EPB41L1: variants seen among roughly 807,000 people sequenced by gnomAD.
EPB41L1 encodes erythrocyte membrane protein band 4.1 like 1.
EPB41L1 carries 29 observed loss-of-function variants against 97.8 expected under a neutral mutation model. The observed-to-expected ratio is 0.30, with a 90% CI of 0.22 to 0.40. The LOEUF is 0.40. EPB41L1 is among the 10% of genes least tolerant of loss of function. The pLI, the probability that EPB41L1 is intolerant of heterozygous loss-of-function variation, is 1.00. For missense variants in EPB41L1, 812 were observed against 1,162.3 expected, an observed-to-expected ratio of 0.70 and a Z score of 4.38; for synonymous variants, 383 against 459.2, an observed-to-expected ratio of 0.83 and a Z score of 2.12.
At chr20:36,114,523 C>T (rs1432798246) in intron 2 of EPB41L1, among the ~76,000 whole-genome samples, 1 of 152,096 alleles carries the variant, frequency 6.6e-6, no homozygotes, top group African/African-American at 2.4e-5. Flanking sequence ...CTGACCTTAT[C>T]TTAGTTAGGG....
At chr20:36,225,192 G>C (rs2064043323) in intron 21 of EPB41L1, among the ~76,000 whole-genome samples, 1 of 152,260 alleles carries the variant, frequency 6.6e-6, no homozygotes, top group African/African-American at 2.4e-5. Flanking sequence ...TGGTCTAGAA[G>C]TGTAGGTTGG....
Position 36,231,202 on chromosome 20 carries a change from C to T in EPB41L1, c.*1862C>T, listed in dbSNP as rs1020383925. 6.6e-6 allele frequency: 1 copy of T among 152,244 alleles called. No homozygotes were observed. Among genetic ancestry groups the T allele is most frequent in the Admixed American group, 6.5e-5 (1 of 15,284 alleles). The allele number at this position is 152,244 out of a possible 1,614,324, so 9.4% of individuals were successfully genotyped here. ...CCCTTCAAGAAGCTCCCATCACAAG[C>T]TTGGCATTGCTCTCTGCCACACGTG... On this transcript the variant is annotated 3_prime_UTR_variant, in exon 22 of 22. Transcript: ENST00000338074.
intron 1 of EPB41L1, among the ~76,000 whole-genome samples, chr20:36,099,647 AGTTG>A: frequency 6.6e-6 from 1 of 151,890 alleles, no homozygotes; most frequent in East Asian, 1.9e-4. Flanking sequence ...CCTCTGTCTG[AGTTG>A]GGAGGACCTT....
chr20:36,187,657 A>T lies in EPB41L1; in HGVS notation c.786-19A>T. On this transcript the variant is annotated intron_variant, in intron 7 of 21. Transcript: ENST00000338074. ...TGGGCCTTTCCCTTGGTCACCTGTG[A>T]TCACTTTCTTTCCCTCAGGGGGATG... The T allele has an allele frequency of 1.9e-6, 3 of 1,609,766 alleles. No individual in the cohort carries two copies. The highest frequency in any genetic ancestry group is 2.2e-5 in the South Asian group (2 of 90,736).
At chr20:36,119,938 G>A (rs1453200261) in intron 2 of EPB41L1, among the ~76,000 whole-genome samples, 2 of 152,154 alleles carry the variant, frequency 1.3e-5, no homozygotes, top group South Asian at 2.1e-4. Context: ...CTGGTCACAC[G>A]GTGAGCCTGA....
chr20:36,128,976 A>G (rs1403407804), intron 2 of EPB41L1, among the ~76,000 whole-genome samples: 1 of 151,894 alleles, frequency 6.6e-6, no homozygotes, highest in Non-Finnish European at 1.5e-5. Flanking sequence ...GAGAGGGAGG[A>G]AGGGGCATTC....
chr20:36,228,393 T>C (rs1255099342), intron 21 of EPB41L1, among the ~76,000 whole-genome samples: 1 of 152,172 alleles, frequency 6.6e-6, no homozygotes, highest in Non-Finnish European at 1.5e-5. Context: ...GAGGAAGCAA[T>C]TGAGGCTTAA....
At chr20:36,105,778 C>T (rs967608498) in intron 1 of EPB41L1, among the ~76,000 whole-genome samples, 2 of 152,156 alleles carry the variant, frequency 1.3e-5, no homozygotes, top group Admixed American at 1.3e-4. Context: ...GAAAACCAGT[C>T]AGAGTTAATT....
At chr20:36,176,175 GT>G (rs1472199450) in intron 3 of EPB41L1, among the ~76,000 whole-genome samples, 2 of 152,220 alleles carry the variant, frequency 1.3e-5, no homozygotes, top group Non-Finnish European at 2.9e-5. Context: ...TCACCTGAGG[GT>G]TCTATGGCAA....
At chr20:36,203,754 T>C (rs979566405) in intron 14 of EPB41L1, among the ~76,000 whole-genome samples, 4 of 152,222 alleles carry the variant, frequency 2.6e-5, no homozygotes, top group African/African-American at 9.6e-5. Context: ...CCCCAGACTT[T>C]ACCTAGACCT....
At chr20:36,143,875 C>A (rs1043083592) in intron 2 of EPB41L1, among the ~76,000 whole-genome samples, 4 of 150,886 alleles carry the variant, frequency 2.7e-5, no homozygotes, top group Admixed American at 2.6e-4. Context: ...TTTTTTGAGA[C>A]AGTGTCTCGC....
intron 1 of EPB41L1, among the ~76,000 whole-genome samples, chr20:36,171,795 T>C (rs563760126): frequency 1.3e-5 from 2 of 152,262 alleles, no homozygotes; most frequent in South Asian, 4.1e-4. Context: ...TGTCTGTCTG[T>C]CTATCAGAGG....
At chr20:36,112,124 C>T (rs2058424677) in intron 1 of EPB41L1, among the ~76,000 whole-genome samples, 2 of 152,184 alleles carry the variant, frequency 1.3e-5, no homozygotes, top group Non-Finnish European at 2.9e-5. Flanking sequence ...CCTGCAGCTT[C>T]CCCTGCCCCT....
intron 1 of EPB41L1, among the ~76,000 whole-genome samples, chr20:36,172,000 ATCTGATGCCCC>A (rs1486297579): frequency 1.3e-5 from 2 of 152,200 alleles, no homozygotes; most frequent in Non-Finnish European, 2.9e-5. Flanking sequence ...GAATGGGTGC[ATCTGATGCCCC>A]TCCGCCACCC....
intron 1 of EPB41L1, among the ~76,000 whole-genome samples, chr20:36,156,084 T>C (rs371914534): frequency 7.9e-5 from 12 of 152,318 alleles, no homozygotes; most frequent in African/African-American, 2.9e-4. Context: ...TTCCTCCAGA[T>C]GGAGCCTGCG....
chr20:36,156,896 A>G (rs929391414), intron 1 of EPB41L1, among the ~76,000 whole-genome samples: 2 of 152,138 alleles, frequency 1.3e-5, no homozygotes, highest in Non-Finnish European at 2.9e-5. Flanking sequence ...GGACTTCCCT[A>G]AGAGCCCCTT....
chr20:36,202,200 G>T (rs2425188), intron 14 of EPB41L1, among the ~76,000 whole-genome samples: 3 of 152,162 alleles, frequency 2.0e-5, no homozygotes, highest in Admixed American at 2.0e-4. Context: ...CCCCGCCCCC[G>T]CATCATTCTC....
intron 17 of EPB41L1, among the ~76,000 whole-genome samples, chr20:36,216,804 G>T (rs528441703): frequency 3.6e-4 from 55 of 152,300 alleles, no homozygotes; most frequent in Non-Finnish European, 6.0e-4. Context: ...GGTGGGGCTG[G>T]AGTGCAAGGA....
chr20:36,172,147 T>C (rs1341968359), intron 1 of EPB41L1, among the ~76,000 whole-genome samples: 1 of 152,238 alleles, frequency 6.6e-6, no homozygotes, highest in Non-Finnish European at 1.5e-5. Flanking sequence ...TGGAGTGCAG[T>C]GGCTCAGTGA....
Sources: gnomAD v4.1 joint callset for allele counts (sites outside exome capture counted in the v4.1 genomes callset) on GRCh38, gnomAD v4.1.1 for gene constraint, MANE v1.5 for transcripts, NCBI Gene and HGNC (gene_info 2026-07-23, HGNC 2026-07-21) for gene names.